SEL1L: variants seen among roughly 807,000 people sequenced by gnomAD.
SEL1L encodes protein sel-1 homolog 1.
Under a neutral mutation model 109.8 loss-of-function variants are expected in SEL1L, and 52 were observed. That is an observed-to-expected ratio of 0.47 (90% CI 0.38 to 0.60). The LOEUF is 0.60. Ranked by LOEUF, SEL1L falls within the 20% of genes least tolerant of loss-of-function variation. The pLI is 0.00. For synonymous variants in SEL1L, 373 were observed against 339.6 expected (o/e 1.10, Z -1.08); for missense variants, 749 against 962.2 (o/e 0.78, Z 2.93).
intron 5 of SEL1L, among the ~76,000 whole-genome samples, chr14:81,503,929 C>T (rs1415437751): frequency 6.6e-6 from 1 of 152,156 alleles, no homozygotes; most frequent in Non-Finnish European, 1.5e-5. Context: ...ATAGTATATG[C>T]ATGCTTGGTT....
At chr14:81,523,215 G>C (rs940447256) in intron 3 of SEL1L, among the ~76,000 whole-genome samples, 1 of 152,186 alleles carries the variant, frequency 6.6e-6, no homozygotes, top group African/African-American at 2.4e-5. Context: ...TAGAGGGTTA[G>C]AATTTACAGT....
At chr14:81,523,309 CA>C (rs1884996734) in intron 3 of SEL1L, among the ~76,000 whole-genome samples, 1 of 152,074 alleles carries the variant, frequency 6.6e-6, no homozygotes, top group Non-Finnish European at 1.5e-5. Context: ...ATTATGCCTG[CA>C]TAACAAAGCT....
chr14:81,509,351 C>T (rs1884370706), intron 3 of SEL1L, among the ~76,000 whole-genome samples: 1 of 152,140 alleles, frequency 6.6e-6, no homozygotes, highest in Non-Finnish European at 1.5e-5. Context: ...ATGAAGCTGA[C>T]AGGTTATGCA....
At chr14:81,510,510 C>CTATATA (rs1424985040) in intron 3 of SEL1L, among the ~76,000 whole-genome samples, 220 of 108,364 alleles carry the variant, frequency 2.0e-3, no homozygotes, top group Middle Eastern at 6.1e-3. Context: ...CTCTCTCTCT[C>CTATATA]TCTCTATATA....
chr14:81,503,036 C>T (rs1012493651), intron 5 of SEL1L, among the ~76,000 whole-genome samples, 153 bp from the exon 6 acceptor site: 2 of 152,160 alleles, frequency 1.3e-5, no homozygotes, highest in Admixed American at 6.5e-5. Flanking sequence ...CTTGTTGTCC[C>T]GGCTGGAGTG....
chr14:81,497,488 G>C (rs912760922), intron 10 of SEL1L, among the ~76,000 whole-genome samples: 2 of 152,218 alleles, frequency 1.3e-5, no homozygotes, highest in Non-Finnish European at 2.9e-5. Flanking sequence ...ATGGTAAATA[G>C]CTCTGAAGAG....
intron 10 of SEL1L, among the ~76,000 whole-genome samples, chr14:81,496,106 G>C (rs1288558742): frequency 6.6e-6 from 1 of 151,970 alleles, no homozygotes; most frequent in Non-Finnish European, 1.5e-5. Context: ...GGCAGATCAC[G>C]AGGTCAGGAG....
chr14:81,501,795 T>C (rs143287616), intron 6 of SEL1L, among the ~76,000 whole-genome samples: 14 of 152,264 alleles, frequency 9.2e-5, no homozygotes, highest in Non-Finnish European at 1.3e-4. Flanking sequence ...TGATACAATG[T>C]AGAATACAGA....
At chr14:81,516,645 G>A (rs763125911) in intron 3 of SEL1L, among the ~76,000 whole-genome samples, 3 of 152,128 alleles carry the variant, frequency 2.0e-5, no homozygotes, top group Non-Finnish European at 2.9e-5. Context: ...TGGTTTACAC[G>A]CAATACTACC....
intron 3 of SEL1L, among the ~76,000 whole-genome samples, chr14:81,513,157 A>G (rs1184089343): frequency 6.6e-6 from 1 of 152,216 alleles, no homozygotes; most frequent in Non-Finnish European, 1.5e-5. Flanking sequence ...TTGTAAACGC[A>G]CCAATCAGCT....
intron 13 of SEL1L, 21 bp downstream of exon 13, chr14:81,490,367 T>A (rs1244712359): frequency 6.3e-7 from 1 of 1,576,382 alleles, no homozygotes; most frequent in Non-Finnish European, 8.7e-7. Flanking sequence ...CACATTTCAG[T>A]ACACTGAGAC....
In SEL1L at chr14:81,474,009, C is replaced by T. The variant is rs1320859929; in HGVS notation, c.*2963G>A. The T allele has an allele frequency of 6.6e-6, 1 of 151,920 alleles. No individual in the cohort carries two copies. Among genetic ancestry groups the T allele is most frequent in the Non-Finnish European group, 1.5e-5 (1 of 67,956 alleles). 9.4% of individuals were successfully genotyped at this position (151,920 alleles called of 1,614,324 possible). ...CCAAAACTTCCCAACAGTACAGAGA[C>T]AGAATGGCTTAGTGGTAAGACTCTC... On this transcript the variant is annotated 3_prime_UTR_variant, in exon 21 of 21. Transcript: ENST00000336735.
chr14:81,523,484 C>T (rs1885002668), intron 3 of SEL1L, among the ~76,000 whole-genome samples: 1 of 152,096 alleles, frequency 6.6e-6, no homozygotes, highest in South Asian at 2.1e-4. Context: ...GGCTTTTCGT[C>T]TCTATCCTTT....
At chr14:81,484,828 G>GA (rs746478892) in intron 18 of SEL1L, among the ~76,000 whole-genome samples, 5 of 152,110 alleles carry the variant, frequency 3.3e-5, no homozygotes, top group Admixed American at 6.5e-5. Flanking sequence ...AAAAACATCT[G>GA]AAATCTGAAA....
At chr14:81,501,868 G>C (rs1419811918) in intron 6 of SEL1L, among the ~76,000 whole-genome samples, 1 of 151,898 alleles carries the variant, frequency 6.6e-6, no homozygotes, top group Non-Finnish European at 1.5e-5. Context: ...CTTTAGCTGT[G>C]ACATCCTATT....
chr14:81,520,959 T>C (rs550465436), intron 3 of SEL1L, among the ~76,000 whole-genome samples: 85 of 152,236 alleles, frequency 5.6e-4, no homozygotes, highest in African/African-American at 1.9e-3. Context: ...CACAGTCTAA[T>C]TGAGGAAAGA....
chr14:81,527,047 A>G (rs1595538239), intron 2 of SEL1L, 83 bp from the exon 3 acceptor site: 1 of 948,844 alleles, frequency 1.1e-6, no homozygotes, highest in Non-Finnish European at 1.7e-6. Flanking sequence ...ACTAATCCAG[A>G]TATCACATCT....
chr14:81,513,088 TGCACCAATCAGCACTCTGTAAGAAC>T (rs1022475937), intron 3 of SEL1L, among the ~76,000 whole-genome samples: 35 of 152,306 alleles, frequency 2.3e-4, no homozygotes, highest in East Asian at 9.7e-4. Flanking sequence ...AGTTTGTACA[TGCACCAATCAGCACTCTGTAAGAAC>T]GCACCAATCA....
At chr14:81,508,525 T>A (rs987500740) in intron 3 of SEL1L, among the ~76,000 whole-genome samples, 1 of 152,040 alleles carries the variant, frequency 6.6e-6, no homozygotes, top group African/African-American at 2.4e-5. Flanking sequence ...GGTGGGCAGA[T>A]CACTTGAACC....
Sources: gnomAD v4.1 joint callset for allele counts (sites outside exome capture counted in the v4.1 genomes callset) on GRCh38, gnomAD v4.1.1 for gene constraint, MANE v1.5 for transcripts, NCBI Gene and HGNC (gene_info 2026-07-23, HGNC 2026-07-21) for gene names.